The following TSHZ2 variants were observed in gnomAD, a reference collection of about 807,000 sequenced individuals.
TSHZ2 encodes the protein teashirt homolog 2.
In TSHZ2, 21 loss-of-function variants were observed where a neutral mutation model predicts 74.4. The observed-to-expected ratio is 0.28, with a 90% confidence interval of 0.20 to 0.41. The LOEUF (loss-of-function observed/expected upper bound fraction) is 0.41, where lower values mean the gene tolerates loss of function less well. Ranked by LOEUF, TSHZ2 falls within the 10% of genes least tolerant of loss-of-function variation. The probability of loss-of-function intolerance (pLI) is 1.00; values close to 1 mark genes in which losing one functional copy is unlikely to be tolerated. For missense variants in TSHZ2, 1,244 were observed against 1,293.5 expected, an observed-to-expected ratio of 0.96 and a Z score of 0.59; for synonymous variants, 540 against 515.3, an observed-to-expected ratio of 1.05 and a Z score of -0.65.
intron 1 of TSHZ2, chr20:53,185,371 G>A (rs1600729616): frequency 2.5e-6 from 3 of 1,191,876 alleles, no homozygotes; most frequent in South Asian, 5.4e-5. Flanking sequence ...ATTGGTGATA[G>A]CCTCTGACTT....
chr20:52,976,764 T>G (rs1376065769), intron 1 of TSHZ2, among the ~76,000 whole-genome samples: 1 of 152,188 alleles, frequency 6.6e-6, no homozygotes, highest in East Asian at 1.9e-4. Flanking sequence ...CAATCTTTTG[T>G]GAGCACATCT....
chr20:53,022,223 A>G (rs940972439), intron 1 of TSHZ2, among the ~76,000 whole-genome samples: 3 of 152,250 alleles, frequency 2.0e-5, no homozygotes, highest in African/African-American at 7.2e-5. Flanking sequence ...ACTATTTCCT[A>G]GCACTAGACT....
intron 2 of TSHZ2, among the ~76,000 whole-genome samples, chr20:53,468,945 C>T (rs1019040150): frequency 2.1e-4 from 31 of 148,402 alleles, no homozygotes; most frequent in Admixed American, 8.1e-4. Context: ...GATGAAGTAC[C>T]CCTTTGACAA....
At chr20:53,161,824 G>A (rs189916993) in intron 1 of TSHZ2, among the ~76,000 whole-genome samples, 1 of 152,288 alleles carries the variant, frequency 6.6e-6, no homozygotes, top group East Asian at 1.9e-4. Flanking sequence ...TTAAGTAAAT[G>A]AGTGATATTA....
At chr20:53,478,667 T>TA (rs1206059876) in intron 2 of TSHZ2, among the ~76,000 whole-genome samples, 1 of 125,158 alleles carries the variant, frequency 8.0e-6, no homozygotes, top group Admixed American at 7.9e-5. Context: ...AAAAAATAAA[T>TA]AAAAAATAAA....
intron 1 of TSHZ2, among the ~76,000 whole-genome samples, chr20:52,980,589 T>C (rs1981527693): frequency 1.3e-5 from 2 of 152,226 alleles, no homozygotes; most frequent in Admixed American, 1.3e-4. Context: ...GGAAATTATA[T>C]AGTTTAGATA....
intron 1 of TSHZ2, among the ~76,000 whole-genome samples, chr20:53,151,246 A>C (rs538451466): frequency 2.6e-5 from 4 of 152,250 alleles, no homozygotes; most frequent in Non-Finnish European, 5.9e-5. Context: ...GTCCTATTAT[A>C]CTGGTGCCTA....
At chr20:52,989,378 A>C (rs1381295189) in intron 1 of TSHZ2, among the ~76,000 whole-genome samples, 1 of 152,204 alleles carries the variant, frequency 6.6e-6, no homozygotes, top group Non-Finnish European at 1.5e-5. Context: ...CTTTAACATT[A>C]ATGTTTTCTT....
chr20:53,204,613 C>T (rs1224016247), intron 1 of TSHZ2, among the ~76,000 whole-genome samples: 1 of 152,008 alleles, frequency 6.6e-6, no homozygotes, highest in African/African-American at 2.4e-5. Flanking sequence ...TGATCACTTG[C>T]AACAAAAACA....
intron 2 of TSHZ2, among the ~76,000 whole-genome samples, chr20:53,444,952 A>C (rs1422491640): frequency 2.6e-5 from 4 of 152,198 alleles, no homozygotes; most frequent in Admixed American, 6.5e-5. Context: ...TGTAACGAAC[A>C]TGTCTGCTGG....
rs1418032958 is a variant in TSHZ2, at chr20:53,495,038, T to TA, written c.*7904dup. 1 of 152,038 alleles carries TA rather than the reference T, an allele frequency of 6.6e-6. No homozygotes were observed. The highest frequency in any genetic ancestry group is 2.4e-5 in the African/African-American group (1 of 41,374). The allele number at this position is 152,038 out of a possible 1,614,324, so 9.4% of individuals were successfully genotyped here. A position where few individuals can be genotyped will look rare whatever the true frequency, so the allele number is the denominator to read the frequency against. ...AACCACCTTCCTGAAACCTAGCTGA[T>TA]ACGGAATAGCAGAGACATGCCTCTC... On this transcript the variant is annotated 3_prime_UTR_variant, in exon 3 of 3. Transcript: ENST00000371497.
At chr20:53,005,056 T>G (rs1982588500) in intron 1 of TSHZ2, among the ~76,000 whole-genome samples, 1 of 152,168 alleles carries the variant, frequency 6.6e-6, no homozygotes, top group Admixed American at 6.5e-5. Context: ...CTCACACTTG[T>G]AATCCCAGCA....
chr20:53,358,874 T>C (rs1980950117), intron 2 of TSHZ2, among the ~76,000 whole-genome samples: 1 of 152,202 alleles, frequency 6.6e-6, no homozygotes, highest in South Asian at 2.1e-4. Flanking sequence ...CTCTCCCTTA[T>C]GAAGTGACCG....
At chr20:53,410,485 G>A (rs140517663) in intron 2 of TSHZ2, among the ~76,000 whole-genome samples, 4 of 152,010 alleles carry the variant, frequency 2.6e-5, no homozygotes, top group Non-Finnish European at 4.4e-5. Flanking sequence ...GGAGGAGGAG[G>A]CATAGCATTT....
At chr20:53,250,696 A>G (rs1371907545) in intron 1 of TSHZ2, among the ~76,000 whole-genome samples, 1 of 152,142 alleles carries the variant, frequency 6.6e-6, no homozygotes, top group East Asian at 1.9e-4. Flanking sequence ...TCAATGCCTA[A>G]TTAAGCAGAA....
intron 1 of TSHZ2, among the ~76,000 whole-genome samples, chr20:53,092,197 C>T: frequency 6.6e-6 from 1 of 152,008 alleles, no homozygotes; most frequent in East Asian, 1.9e-4. Context: ...ACATCAGTTC[C>T]AATCCTATAC....
chr20:53,326,194 C>T (rs987161707), intron 2 of TSHZ2, among the ~76,000 whole-genome samples: 2 of 152,262 alleles, frequency 1.3e-5, no homozygotes, highest in African/African-American at 4.8e-5. Flanking sequence ...CAAGAGAATG[C>T]ATTGCTAATG....
chr20:53,341,991 G>A (rs995301137), intron 2 of TSHZ2, among the ~76,000 whole-genome samples: 1 of 152,126 alleles, frequency 6.6e-6, no homozygotes, highest in Non-Finnish European at 1.5e-5. Context: ...GATTATAGGC[G>A]TGAGCAATCA....
chr20:53,068,310 TC>T (rs1985061141), intron 1 of TSHZ2, among the ~76,000 whole-genome samples: 1 of 152,014 alleles, frequency 6.6e-6, no homozygotes, highest in Admixed American at 6.6e-5. Context: ...GGATCCCGAG[TC>T]CTGCTTGTCT....
Sources: gnomAD v4.1 joint callset for allele counts (sites outside exome capture counted in the v4.1 genomes callset) on GRCh38, gnomAD v4.1.1 for gene constraint, MANE v1.5 for transcripts, NCBI Gene and HGNC (gene_info 2026-07-23, HGNC 2026-07-21) for gene names.